Variants in COL15A1 observed in about 807,000 individuals in gnomAD.
The protein encoded by COL15A1 is collagen type XV alpha 1 chain, also known as collagen alpha-1(XV) chain.
COL15A1 carries 111 observed loss-of-function variants against 165.9 expected under a neutral mutation model. The observed-to-expected ratio is 0.67, with a 90% CI of 0.57 to 0.78. The LOEUF (loss-of-function observed/expected upper bound fraction) is 0.78, where lower values mean the gene tolerates loss of function less well. Among genes scored for constraint, COL15A1 ranks in the 30% least tolerant of loss-of-function variants. COL15A1 has a pLI of 0.00. For missense variants in COL15A1, 1,745 were observed against 1,789.7 expected, an observed-to-expected ratio of 0.98 and a Z score of 0.45; for synonymous variants, 659 against 674.8, an observed-to-expected ratio of 0.98 and a Z score of 0.36.
intron 19 of COL15A1, 140 bp from the exon 20 acceptor site, chr9:99,036,030 G>T: frequency 1.5e-6 from 1 of 675,708 alleles, no homozygotes; most frequent in Non-Finnish European, 2.6e-6. Flanking sequence ...ACTCCAGAAG[G>T]GGCATTTTTC....
chr9:99,008,845 G>A (rs960333708), intron 9 of COL15A1, among the ~76,000 whole-genome samples: 9 of 152,062 alleles, frequency 5.9e-5, no homozygotes, highest in Admixed American at 5.9e-4. Context: ...CCTGACCTCA[G>A]ATGATCCACC....
chr9:99,005,097 C>T lies in COL15A1; in HGVS notation c.1353+47C>T, dbSNP rs372708598. 1.9e-4 allele frequency: 294 copies of T among 1,522,418 alleles called. 1 individual carries two copies. Among genetic ancestry groups the T allele is most frequent in the Non-Finnish European group, 2.8e-5 (32 of 1,134,638 alleles). The allele number at this position is 1,522,418 out of a possible 1,614,324, so 94.3% of individuals were successfully genotyped here. A position where few individuals can be genotyped will look rare whatever the true frequency, so the allele number is the denominator to read the frequency against. On this transcript the variant is annotated intron_variant, in intron 9 of 41. Coordinates refer to ENST00000375001, the MANE Select transcript of COL15A1 (RefSeq NM_001855.5). Reference sequence around the variant, plus strand: ...AAGGTTGAGGTCATGGTGGGAGCAGCTCCTGACCTTCTCAGAGTGTGGGGC... The same window carrying T: ...AAGGTTGAGGTCATGGTGGGAGCAGTTCCTGACCTTCTCAGAGTGTGGGGC...
intron 2 of COL15A1, among the ~76,000 whole-genome samples, chr9:98,964,024 T>G (rs1837908043): frequency 6.6e-6 from 1 of 152,232 alleles, no homozygotes; most frequent in African/African-American, 2.4e-5. Flanking sequence ...CCACCTCTAT[T>G]TCCAGATAAG....
At chr9:98,946,986 G>A (rs1466836359) in intron 2 of COL15A1, among the ~76,000 whole-genome samples, 5 of 152,176 alleles carry the variant, frequency 3.3e-5, no homozygotes, top group Non-Finnish European at 5.9e-5. Context: ...CAACGATTTG[G>A]CAGTTTCTTA....
intron 28 of COL15A1, among the ~76,000 whole-genome samples, chr9:99,048,401 C>G (rs869775): frequency 7.7e-4 from 118 of 152,264 alleles, no homozygotes; most frequent in Middle Eastern, 3.4e-3. Context: ...GGCAGATCAG[C>G]TACTTAGGTG....
At chr9:99,034,271 A>G (rs1588525388) in intron 16 of COL15A1, among the ~76,000 whole-genome samples, 1 of 152,180 alleles carries the variant, frequency 6.6e-6, no homozygotes, top group African/African-American at 2.4e-5. Context: ...GAAATCTTCT[A>G]TGATCTCTCC....
chr9:98,999,854 TGC>T (rs1000235863), intron 6 of COL15A1, among the ~76,000 whole-genome samples: 3 of 136,656 alleles, frequency 2.2e-5, no homozygotes, highest in Admixed American at 7.3e-5. Flanking sequence ...AAAATCCATT[TGC>T]GTTTTTTTTT....
intron 2 of COL15A1, among the ~76,000 whole-genome samples, chr9:98,958,328 G>T (rs1837812107): frequency 6.6e-6 from 1 of 152,136 alleles, no homozygotes. Context: ...CAGTGATTCG[G>T]CTCAGCTCTG....
chr9:98,950,543 T>TC (rs1434520766), intron 2 of COL15A1, among the ~76,000 whole-genome samples: 245 of 80,130 alleles, frequency 3.1e-3, no homozygotes, highest in East Asian at 0.03. Flanking sequence ...TCCCTTCCCT[T>TC]CCCTTCCCCT....
intron 24 of COL15A1, among the ~76,000 whole-genome samples, chr9:99,043,847 G>A (rs1217324961): frequency 2.0e-5 from 3 of 152,194 alleles, no homozygotes; most frequent in Non-Finnish European, 4.4e-5. Flanking sequence ...CTTCTCAGCA[G>A]CCTCTAGCAT....
chr9:98,985,392 T>C (rs1838290271), intron 2 of COL15A1, among the ~76,000 whole-genome samples, 173 bp from the exon 3 acceptor site: 1 of 152,224 alleles, frequency 6.6e-6, no homozygotes, highest in Admixed American at 6.5e-5. Context: ...GCAGTGCAAA[T>C]GCATTTCTTT....
chr9:99,040,543 T>C lies in COL15A1; in HGVS notation c.2498T>C (p.Leu833Pro). Residue 833 changes from leucine (L) to proline (P), a missense_variant, in exon 23 of 42, where the codon CTG becomes CCG. Transcript: ENST00000375001. ...CAGGGGCCGGACGGGTTGCCTGGGC[T>C]GCCAGGATTTCCAGTAAGTACCACC... is the stretch of plus-strand genomic sequence containing the variant. ...GPPGPDGLPG[L>P]PGFPGPRGPK... 1 of 1,614,214 alleles carries C rather than the reference T, an allele frequency of 6.2e-7. No homozygotes were observed. Among genetic ancestry groups the C allele is most frequent in the Non-Finnish European group, 8.5e-7 (1 of 1,180,030 alleles).
At chr9:99,043,490 A>C (rs1839446410) in intron 24 of COL15A1, among the ~76,000 whole-genome samples, 1 of 152,172 alleles carries the variant, frequency 6.6e-6, no homozygotes, top group Non-Finnish European at 1.5e-5. Context: ...TGACTGGTCC[A>C]GGCAGCCGGG....
Position 99,003,457 on chromosome 9 carries a change from TAGCAGCAAC to T in COL15A1, c.1077_1085del (p.Thr360_Ala362del). 1 of 1,506,278 alleles carries T rather than the reference TAGCAGCAAC, an allele frequency of 6.6e-7. No homozygotes were observed. 93.3% of individuals were successfully genotyped at this position (1,506,278 alleles called of 1,614,324 possible). A position where few individuals can be genotyped will look rare whatever the true frequency, so the allele number is the denominator to read the frequency against. On this transcript the variant is annotated inframe_deletion, in exon 8 of 42. Coordinates refer to ENST00000375001, the MANE Select transcript of COL15A1 (RefSeq NM_001855.5). ...TTGTGATGCCTTTGTTTTCAGAATT[TAGCAGCAAC>T]AGCAGCGGGGCTGGCCGAGGTGCCC...
chr9:99,067,191 C>A, intron 40 of COL15A1, 124 bp downstream of exon 40: 2 of 821,178 alleles, frequency 2.4e-6, no homozygotes, highest in South Asian at 3.8e-5. Context: ...CCCTTACTGG[C>A]TATGTCACTT....
chr9:99,049,353 A>T (rs1294261858), intron 28 of COL15A1, among the ~76,000 whole-genome samples: 2 of 152,252 alleles, frequency 1.3e-5, no homozygotes, highest in African/African-American at 2.4e-5. Context: ...CCTTAGGCTC[A>T]GTATCAACTG....
intron 5 of COL15A1, among the ~76,000 whole-genome samples, chr9:98,995,001 C>G (rs1297932516): frequency 3.3e-5 from 5 of 152,106 alleles, no homozygotes; most frequent in African/African-American, 1.2e-4. Flanking sequence ...GTTTCCTGAA[C>G]CCTCACCTGC....
At chr9:99,041,937 T>G (rs565323733) in intron 23 of COL15A1, 108 bp from the exon 24 acceptor site, 2 of 684,878 alleles carry the variant, frequency 2.9e-6, no homozygotes, top group African/African-American at 3.6e-5. Flanking sequence ...TCCACCTACC[T>G]GGGGGATGGC....
At chr9:99,064,526 A>G (rs1825865264) in intron 39 of COL15A1, among the ~76,000 whole-genome samples, 1 of 152,178 alleles carries the variant, frequency 6.6e-6, no homozygotes, top group South Asian at 2.1e-4. Context: ...TGCAATTACT[A>G]CGGGGCTGGT....
Sources: allele counts gnomAD v4.1 joint callset (sites outside exome capture counted in the v4.1 genomes callset), GRCh38; gene constraint gnomAD v4.1.1; transcripts MANE v1.5; gene names NCBI Gene and HGNC (gene_info 2026-07-23, HGNC 2026-07-21).